Variants in PPP1R12A observed in about 807,000 individuals in gnomAD.
PPP1R12A encodes the protein protein phosphatase 1 regulatory subunit 12A, also known as myosin binding subunit.
A neutral mutation model predicts 139.6 loss-of-function variants in PPP1R12A; 19 were observed. The ratio of observed to expected loss-of-function variants is 0.14; its 90% CI spans 0.09 to 0.20. The LOEUF (loss-of-function observed/expected upper bound fraction) is 0.20, where lower values mean the gene tolerates loss of function less well. Ranked by LOEUF, PPP1R12A falls within the 10% of genes least tolerant of loss-of-function variation. PPP1R12A has a pLI of 1.00. For synonymous variants in PPP1R12A, 427 were observed against 420.6 expected (o/e 1.02, Z -0.19); for missense variants, 925 against 1,211.5 (o/e 0.76, Z 3.51).
At chr12:79,891,564 T>C (rs755070629) in intron 1 of PPP1R12A, among the ~76,000 whole-genome samples, 5 of 152,214 alleles carry the variant, frequency 3.3e-5, no homozygotes, top group African/African-American at 9.6e-5. Flanking sequence ...AGTTTGCTTA[T>C]AGTAGGTAGC....
intron 2 of PPP1R12A, among the ~76,000 whole-genome samples, chr12:79,859,292 G>A (rs929033804): frequency 6.0e-5 from 9 of 149,096 alleles, no homozygotes; most frequent in East Asian, 4.0e-4. Flanking sequence ...AGCCGAGATC[G>A]TGCCACTGCA....
intron 2 of PPP1R12A, among the ~76,000 whole-genome samples, chr12:79,862,261 A>G (rs1290849592): frequency 6.6e-6 from 1 of 152,216 alleles, no homozygotes; most frequent in African/African-American, 2.4e-5. Context: ...ACAAAAAGGA[A>G]TAGTATCAAT....
Position 79,934,681 on chromosome 12 carries a change from C to T in PPP1R12A, c.237+14G>A. 6.6e-7 allele frequency: 1 copy of T among 1,510,472 alleles called. No individual in the cohort carries two copies. 93.6% of individuals were successfully genotyped at this position (1,510,472 alleles called of 1,614,324 possible). On this transcript the variant is annotated intron_variant, in intron 1 of 24. Coordinates refer to ENST00000450142, the MANE Select transcript of PPP1R12A (RefSeq NM_002480.3). The stretch of plus-strand genomic sequence containing the variant: ...CCCTCACGGTCAGGAGAGCCGGCGG[C>T]GGGGCGCACAGACCTGGTGCAGGGC...
chr12:79,933,229 T>C (rs1476385126), intron 1 of PPP1R12A, among the ~76,000 whole-genome samples: 3 of 152,220 alleles, frequency 2.0e-5, no homozygotes, highest in African/African-American at 2.4e-5. Context: ...TTTAATTCCA[T>C]ATTTGTCCTG....
At chr12:79,804,066 C>G (rs1046711787) in intron 14 of PPP1R12A, among the ~76,000 whole-genome samples, 4 of 151,906 alleles carry the variant, frequency 2.6e-5, no homozygotes, top group African/African-American at 9.7e-5. Context: ...AATCAAACAC[C>G]TCATTTAACA....
intron 1 of PPP1R12A, among the ~76,000 whole-genome samples, chr12:79,912,559 T>C (rs997874169): frequency 1.3e-5 from 2 of 152,062 alleles, no homozygotes; most frequent in African/African-American, 4.8e-5. Context: ...CTGGGCATGA[T>C]AGCATGCACC....
At chr12:79,824,833 AC>A (rs1375471363) in intron 5 of PPP1R12A, among the ~76,000 whole-genome samples, 2 of 152,170 alleles carry the variant, frequency 1.3e-5, no homozygotes, top group African/African-American at 4.8e-5. Flanking sequence ...GAACATGAAA[AC>A]TTTATCAAGA....
chr12:79,854,799 G>A (rs1323051105), intron 2 of PPP1R12A, among the ~76,000 whole-genome samples: 1 of 151,794 alleles, frequency 6.6e-6, no homozygotes, highest in East Asian at 2.0e-4. Context: ...AGCCTCCCAA[G>A]TAACTAGGCC....
chr12:79,804,373 TACTA>T (rs760487006), intron 14 of PPP1R12A, among the ~76,000 whole-genome samples: 43 of 152,136 alleles, frequency 2.8e-4, no homozygotes, highest in Non-Finnish European at 5.6e-4. Context: ...AATCACAAAA[TACTA>T]ACCACTTGCA....
At chr12:79,837,668 T>C (rs1397974078) in intron 3 of PPP1R12A, among the ~76,000 whole-genome samples, 1 of 152,206 alleles carries the variant, frequency 6.6e-6, no homozygotes, top group Non-Finnish European at 1.5e-5. Flanking sequence ...CATGCTACTG[T>C]TCTTGTGATA....
chr12:79,810,705 A>G (rs1486453000), intron 9 of PPP1R12A, among the ~76,000 whole-genome samples: 1 of 148,282 alleles, frequency 6.7e-6, no homozygotes, highest in Non-Finnish European at 1.5e-5. Context: ...TAATCTGAAA[A>G]AAATCTAATA....
Position 79,840,357 on chromosome 12 carries a change from G to A in PPP1R12A, c.487+4945C>T, listed in dbSNP as rs114420928. Reference sequence around the variant, plus strand: ...TATCATTGTTAGCACTTAGCTTTTCGTCTCCAGGGTCATCTCATCTACTAG... The same window carrying A: ...TATCATTGTTAGCACTTAGCTTTTCATCTCCAGGGTCATCTCATCTACTAG... On this transcript the variant is annotated intron_variant, in intron 3 of 24. Coordinates refer to ENST00000450142, the MANE Select transcript of PPP1R12A (RefSeq NM_002480.3). Among the ~76,000 whole-genome samples the A allele has an allele frequency of 2.7e-3, 418 of 152,180 alleles. 1 individual carries two copies. The highest frequency in any genetic ancestry group is 9.6e-3 in the African/African-American group (399 of 41,528).
At chr12:79,782,129 G>C in intron 22 of PPP1R12A, 1 of 265,132 alleles carries the variant, frequency 3.8e-6, no homozygotes, top group Non-Finnish European at 7.1e-6. Flanking sequence ...GGGCGTGAGG[G>C]TGAGTGAGTA....
At chr12:79,849,556 C>T (rs1000176741) in intron 2 of PPP1R12A, among the ~76,000 whole-genome samples, 4 of 152,070 alleles carry the variant, frequency 2.6e-5, no homozygotes, top group African/African-American at 7.2e-5. Flanking sequence ...ACTTGTGTGG[C>T]TATTAATTAG....
chr12:79,845,868 G>A (rs1879315823), intron 2 of PPP1R12A, among the ~76,000 whole-genome samples: 1 of 10,860 alleles, frequency 9.2e-5, no homozygotes, highest in African/African-American at 1.3e-4. Context: ...TTTCTATAAT[G>A]TACACACGTT....
At chr12:79,831,919 A>G (rs2137153575) in intron 4 of PPP1R12A, among the ~76,000 whole-genome samples, 1 of 152,294 alleles carries the variant, frequency 6.6e-6, no homozygotes, top group Non-Finnish European at 1.5e-5. Context: ...TGTATTTAAG[A>G]TAAGTTACAT....
intron 1 of PPP1R12A, among the ~76,000 whole-genome samples, chr12:79,902,473 T>C (rs906435303): frequency 6.6e-6 from 1 of 152,184 alleles, no homozygotes; most frequent in Admixed American, 6.5e-5. Flanking sequence ...TATTTTTATT[T>C]TAAAATTAAA....
intron 1 of PPP1R12A, among the ~76,000 whole-genome samples, chr12:79,892,398 A>G (rs1033620067): frequency 1.3e-5 from 2 of 152,184 alleles, no homozygotes; most frequent in African/African-American, 4.8e-5. Context: ...ACTATACAAA[A>G]CAACAGTCTA....
chr12:79,776,997 A>G (rs1173689419), intron 24 of PPP1R12A: 1 of 299,210 alleles, frequency 3.3e-6, no homozygotes, highest in Admixed American at 6.5e-5. Context: ...ATATGTTCTT[A>G]TCTGTGTTCA....
Sources: gnomAD v4.1 joint callset for allele counts (sites outside exome capture counted in the v4.1 genomes callset) on GRCh38, gnomAD v4.1.1 for gene constraint, MANE v1.5 for transcripts, NCBI Gene and HGNC (gene_info 2026-07-23, HGNC 2026-07-21) for gene names.